The following HEATR5A variants were observed in gnomAD, a reference collection of about 807,000 sequenced individuals.
HEATR5A encodes the protein HEAT repeat containing 5A, also known as HEAT repeat-containing protein 5A.
In HEATR5A, 178 loss-of-function variants were observed where a neutral mutation model predicts 218.8. That is an observed-to-expected ratio of 0.81 (90% CI 0.72 to 0.92). HEATR5A has a LOEUF of 0.92. Among genes scored for constraint, HEATR5A ranks in the 40% least tolerant of loss-of-function variants. HEATR5A has a pLI of 0.00. For synonymous variants in HEATR5A, 864 were observed against 871.6 expected, an observed-to-expected ratio of 0.99 and a Z score of 0.15; for missense variants, 2,420 against 2,418.9, an observed-to-expected ratio of 1.00 and a Z score of -0.01.
At chr14:31,312,813 G>A (rs910402363) in intron 28 of HEATR5A, among the ~76,000 whole-genome samples, 155 bp downstream of exon 28, 2 of 151,984 alleles carry the variant, frequency 1.3e-5, no homozygotes, top group African/African-American at 2.4e-5. Context: ...TGGGAGGATC[G>A]CCTGAGCCCA....
chr14:31,315,792 G>T lies in HEATR5A; in HGVS notation c.4196C>A (p.Ala1399Asp), dbSNP rs555371023. 1.8e-5 allele frequency: 29 copies of T among 1,610,248 alleles called. No individual in the cohort carries two copies. The East Asian group carries it at 6.5e-4, about 36-fold the overall frequency. The change falls in exon 27 of 36, where the codon GCT (alanine) becomes GAT (aspartate). Residue 1399 changes from alanine to aspartate, a missense_variant. Transcript: ENST00000543095. ...NESASTMEIL[A>D]VLKAWAEVYI... is the part of the protein sequence containing the mutation. ...AACCTCTGCCCAGGCTTTAAGCACAGCTAAGATCTCCATGGTAGAAGCACT... is the reference window on the plus strand; with the variant it reads ...AACCTCTGCCCAGGCTTTAAGCACATCTAAGATCTCCATGGTAGAAGCACT...
At chr14:31,350,094 TAAAAAC>T in intron 17 of HEATR5A, 115 bp from the exon 18 acceptor site, 1 of 576,098 alleles carries the variant, frequency 1.7e-6, no homozygotes, top group South Asian at 3.9e-5. Context: ...GATTACTACT[TAAAAAC>T]AAATAAGAAC....
rs1035005111 is a variant in HEATR5A, at chr14:31,321,665, A to G, written c.3803T>C (p.Leu1268Pro). The change falls in exon 25 of 36, where the codon CTG becomes CCG. Residue 1268 changes from leucine to proline, a missense_variant. Coordinates refer to ENST00000543095, the MANE Select transcript of HEATR5A (RefSeq NM_015473.4). ...KRDSRNDFLVLHLADLIRMAF... is the reference protein window; with the variant it reads ...KRDSRNDFLVPHLADLIRMAF... ...CATGCGAATTAAGTCAGCAAGATGC[A>G]GTACCAAAAAGTCATCTATAAGATT... 3 of 1,590,284 alleles carry G rather than the reference A, an allele frequency of 1.9e-6. No individual in the cohort carries two copies. The highest frequency in any genetic ancestry group is 1.4e-5 in the African/African-American group (1 of 73,844).
chr14:31,314,946 G>A (rs1566750969), intron 27 of HEATR5A, among the ~76,000 whole-genome samples: 1 of 152,158 alleles, frequency 6.6e-6, no homozygotes, highest in African/African-American at 2.4e-5. Flanking sequence ...GCAGAGGAGA[G>A]TGGATCACTT....
chr14:31,345,026 T>C (rs1004109857), intron 20 of HEATR5A, 61 bp downstream of exon 20: 1 of 1,394,100 alleles, frequency 7.2e-7, no homozygotes. Flanking sequence ...GACTAGGAAC[T>C]GAATTCACTT....
At chr14:31,398,595 C>T in intron 4 of HEATR5A, 78 bp downstream of exon 4, 1 of 717,136 alleles carries the variant, frequency 1.4e-6, no homozygotes, top group East Asian at 2.7e-5. Flanking sequence ...ATATGTAAAG[C>T]TCTTTGATTT....
At chr14:31,411,828 T>C (rs560749031) in intron 1 of HEATR5A, among the ~76,000 whole-genome samples, 1 of 152,166 alleles carries the variant, frequency 6.6e-6, no homozygotes, top group Non-Finnish European at 1.5e-5. Flanking sequence ...CAAAAAAATT[T>C]AAAATTTTTT....
chr14:31,329,199 A>G (rs1900377360), intron 22 of HEATR5A, among the ~76,000 whole-genome samples: 1 of 152,198 alleles, frequency 6.6e-6, no homozygotes, highest in African/African-American at 2.4e-5. Context: ...AAGCCAAGCC[A>G]TATCATTCCA....
chr14:31,380,999 A>G (rs2139272561), intron 10 of HEATR5A, among the ~76,000 whole-genome samples: 1 of 152,360 alleles, frequency 6.6e-6, no homozygotes, highest in African/African-American at 2.4e-5. Flanking sequence ...CTGTAATCCC[A>G]GCACTTTGGG....
intron 25 of HEATR5A, among the ~76,000 whole-genome samples, chr14:31,320,996 G>A (rs1349912571): frequency 6.6e-6 from 1 of 152,130 alleles, no homozygotes; most frequent in African/African-American, 2.4e-5. Context: ...CTGGTGATAC[G>A]TTAGCAGAGA....
intron 1 of HEATR5A, among the ~76,000 whole-genome samples, chr14:31,409,755 A>C (rs893964478): frequency 6.6e-6 from 1 of 152,222 alleles, no homozygotes. Flanking sequence ...GAAATGAGTT[A>C]ACTTCAATTT....
chr14:31,379,223 C>T (rs1400924869), intron 11 of HEATR5A, among the ~76,000 whole-genome samples: 6 of 150,900 alleles, frequency 4.0e-5, no homozygotes, highest in Non-Finnish European at 5.9e-5. Context: ...GCTAGGATTA[C>T]GGCGTGAGCC....
intron 32 of HEATR5A, chr14:31,302,768 T>C (rs1451773269): frequency 2.4e-6 from 1 of 414,908 alleles, no homozygotes; most frequent in Non-Finnish European, 4.3e-6. Context: ...GCTTATGCTG[T>C]TTTTGTTTTC....
At chr14:31,391,422 A>C (rs1172754651) in intron 6 of HEATR5A, among the ~76,000 whole-genome samples, 2 of 152,260 alleles carry the variant, frequency 1.3e-5, no homozygotes, top group African/African-American at 4.8e-5. Context: ...TACAAGCATG[A>C]GCCACTGCAC....
chr14:31,315,374 C>T (rs78520307), intron 27 of HEATR5A, among the ~76,000 whole-genome samples: 2,295 of 152,204 alleles, frequency 0.015, 148 homozygotes, highest in Admixed American at 0.1. Flanking sequence ...TTTCTTTATC[C>T]TTGGAAAATA....
chr14:31,391,058 TA>T (rs200413998), intron 6 of HEATR5A, among the ~76,000 whole-genome samples: 2 of 150,202 alleles, frequency 1.3e-5, no homozygotes, highest in African/African-American at 4.9e-5. Flanking sequence ...GTTTAAAAGT[TA>T]AAAAAAATTT....
At chr14:31,410,173 C>T (rs2031225105) in intron 1 of HEATR5A, among the ~76,000 whole-genome samples, 1 of 152,124 alleles carries the variant, frequency 6.6e-6, no homozygotes, top group African/African-American at 2.4e-5. Context: ...TGTTGGGATA[C>T]GTCTCAGACT....
In HEATR5A at chr14:31,371,738, G is replaced by A. The variant is rs1001502234; in HGVS notation, c.1961+72C>T. 27 of 558,222 alleles carry A rather than the reference G, an allele frequency of 4.8e-5. 1 individual carries two copies. Among genetic ancestry groups the A allele is most frequent in the Non-Finnish European group, 8.0e-5 (27 of 336,630 alleles). The allele number at this position is 558,222 out of a possible 1,614,324, so 34.6% of individuals were successfully genotyped here. A position where few individuals can be genotyped will look rare whatever the true frequency, so the allele number is the denominator to read the frequency against. On this transcript the variant is annotated intron_variant, in intron 13 of 35. Transcript: ENST00000543095. The stretch of plus-strand genomic sequence containing the variant: ...AATCATTCACCAACTACAGAAATTT[G>A]CCTTATTAATGTACTTAAGGAATAT...
At chr14:31,418,371 T>C (rs1362533509) in intron 1 of HEATR5A, among the ~76,000 whole-genome samples, 1 of 152,224 alleles carries the variant, frequency 6.6e-6, no homozygotes, top group African/African-American at 2.4e-5. Context: ...TTGGGAGCCA[T>C]ACGGTCTCTA....
Sources: gnomAD v4.1 joint callset for allele counts (sites outside exome capture counted in the v4.1 genomes callset) on GRCh38, gnomAD v4.1.1 for gene constraint, MANE v1.5 for transcripts, NCBI Gene and HGNC (gene_info 2026-07-23, HGNC 2026-07-21) for gene names.